The following STPG3 variants were observed in gnomAD, a reference collection of about 807,000 sequenced individuals.
STPG3 encodes protein STPG3.
STPG3 carries 39 observed loss-of-function variants against 32.5 expected under a neutral mutation model. The ratio of observed to expected loss-of-function variants is 1.20; its 90% CI spans 0.93 to 1.57. STPG3 has a LOEUF of 1.57. Among genes scored for constraint, STPG3 ranks in the 40% most tolerant of loss-of-function variants. The pLI is 0.00. For synonymous variants in STPG3, 209 were observed against 172.4 expected (o/e 1.21, Z -1.66); for missense variants, 507 against 407.6 (o/e 1.24, Z -2.10).
chr9:137,252,646 T>C lies in STPG3; in HGVS notation c.493-16T>C, dbSNP rs891539756. 6.5e-7 allele frequency: 1 copy of C among 1,535,202 alleles called. No individual in the cohort carries two copies. The highest frequency in any genetic ancestry group is 8.8e-7 in the Non-Finnish European group (1 of 1,136,386). On this transcript the variant is annotated splice_polypyrimidine_tract_variant and intron_variant, in intron 4 of 5. Coordinates refer to ENST00000412566, the MANE Select transcript of STPG3 (RefSeq NM_001004353.4). ...GGAGCACCCTGCCCTGCAGCCCGTCTCCTACCCCCTCGCAGTGGCCCTCGC... is the reference window on the plus strand; with the variant it reads ...GGAGCACCCTGCCCTGCAGCCCGTCCCCTACCCCCTCGCAGTGGCCCTCGC...
intron 2 of STPG3, 29 bp downstream of exon 2, chr9:137,251,924 C>T (rs757274084): frequency 2.5e-6 from 4 of 1,599,692 alleles, no homozygotes; most frequent in Middle Eastern, 1.7e-4. Context: ...CACCCCACCC[C>T]CAAGCTGGTC....
At position 137,251,389 on chromosome 9, in the gene STPG3, C is replaced by T; in HGVS notation, c.103C>T (p.Pro35Ser). The T allele has an allele frequency of 1.2e-6, 2 of 1,610,450 alleles. No individual in the cohort carries two copies. The highest frequency in any genetic ancestry group is 1.7e-6 in the Non-Finnish European group (2 of 1,177,422). ...TCACCTGAGGCAGACACAACCAGAG[C>T]CCACCCAGTAACTGGCGGAGAGGGG... is the stretch of plus-strand genomic sequence containing the variant. ...HGHLRQTQPE[P>S]TQPKASVLLL... The change falls in exon 1 of 6, where the codon CCC (proline) becomes TCC (serine). Residue 35 changes from proline (P) to serine (S), a missense_variant. Coordinates refer to ENST00000412566, the MANE Select transcript of STPG3 (RefSeq NM_001004353.4).
At position 137,253,386 on chromosome 9, in the gene STPG3, TG is replaced by T. The variant is rs781402037; in HGVS notation, c.*143del. ...GGGCACCCCGATGCACCCTTCTGGC[TG>T]GCCAACCCTTCTATGGGCTGTGGAC... On this transcript the variant is annotated 3_prime_UTR_variant, in exon 6 of 6. Transcript: ENST00000412566. The T allele has an allele frequency of 2.4e-5, 36 of 1,509,952 alleles. No homozygotes were observed. In the Admixed American group the frequency reaches 3.6e-4, roughly 15 times the overall value. The allele number at this position is 1,509,952 out of a possible 1,614,324, so 93.5% of individuals were successfully genotyped here. A position where few individuals can be genotyped will look rare whatever the true frequency, so the allele number is the denominator to read the frequency against.
At position 137,252,384 on chromosome 9, in the gene STPG3, C is replaced by T. The variant is rs148184666; in HGVS notation, c.404-53C>T. The T allele has an allele frequency of 1.8e-3, 2,815 of 1,556,510 alleles. 36 individuals carry two copies. The African/African-American group carries it at 0.032, about 18-fold the overall frequency. Reference sequence around the variant, plus strand: ...ACCGGGAGACAGGTTCGAGTGGGGACTGTCACCTGGGTGGGGCTCCCAGCC... The same window carrying T: ...ACCGGGAGACAGGTTCGAGTGGGGATTGTCACCTGGGTGGGGCTCCCAGCC... On this transcript the variant is annotated intron_variant, in intron 3 of 5. Coordinates refer to ENST00000412566, the MANE Select transcript of STPG3 (RefSeq NM_001004353.4).
Position 137,252,141 on chromosome 9 carries a change from T to C in STPG3, c.403+6T>C. On this transcript the variant is annotated splice_donor_region_variant and intron_variant, in intron 3 of 5. Transcript: ENST00000412566. ...CTGCAAGCACCAGGGCCGAGGTGTG[T>C]GTCCCCTCCCTGAGGCCCAACCACC... is the stretch of plus-strand genomic sequence containing the variant. 1 of 1,603,520 alleles carries C rather than the reference T, an allele frequency of 6.2e-7. No homozygotes were observed. Among genetic ancestry groups the C allele is most frequent in the South Asian group, 1.1e-5 (1 of 90,686 alleles).
rs747119528 is a variant in STPG3, at chr9:137,252,032, C to A, written c.300C>A (p.Asp100Glu). 1.2e-6 allele frequency: 2 copies of A among 1,612,730 alleles called. No individual in the cohort carries two copies. Among genetic ancestry groups the A allele is most frequent in the Admixed American group, 3.3e-5 (2 of 59,932 alleles). ...AGCAACGCCCCCTGATCACAGCTGACCTGGAAGTCCCCAGCCCCACCAGGT... is the reference window on the plus strand; with the variant it reads ...AGCAACGCCCCCTGATCACAGCTGAACTGGAAGTCCCCAGCCCCACCAGGT... ...LLEQRPLITA[D>E]LEVPSPTRYQ... Residue 100 changes from aspartate to glutamate, a missense_variant, in exon 3 of 6, where the codon GAC becomes GAA. Asp to Glu is a conservative substitution (Grantham distance 45). Transcript: ENST00000412566.
chr9:137,253,092 C>T, intron 5 of STPG3, 23 bp from the exon 6 acceptor site: 2 of 1,546,624 alleles, frequency 1.3e-6, no homozygotes, highest in East Asian at 2.3e-5. Flanking sequence ...CTGGGTGGGG[C>T]TCCCAGCCTT....
rs759760691 is a variant in STPG3, at chr9:137,253,481, C to G, written c.*236C>G. On this transcript the variant is annotated 3_prime_UTR_variant, in exon 6 of 6. Transcript: ENST00000412566. ...TACACTGAGATGCTGTTGGTTTTCC[C>G]GAGCTCTGTGGTGTGCAGTTGTCTG... is the stretch of plus-strand genomic sequence containing the variant. 1.1e-5 allele frequency: 16 copies of G among 1,432,570 alleles called. No homozygotes were observed. The highest frequency in any genetic ancestry group is 1.4e-5 in the African/African-American group (1 of 69,644). The allele number at this position is 1,432,570 out of a possible 1,614,324, so 88.7% of individuals were successfully genotyped here. A position where few individuals can be genotyped will look rare whatever the true frequency, so the allele number is the denominator to read the frequency against.
chr9:137,251,632 G>C (rs960546150), intron 1 of STPG3, 106 bp from the exon 2 acceptor site: 1 of 1,391,076 alleles, frequency 7.2e-7, no homozygotes, highest in Non-Finnish European at 9.7e-7. Flanking sequence ...TGGGGCACGT[G>C]GCTGGGAGCA....
Position 137,251,787 on chromosome 9 carries a change from G to T in STPG3, c.160G>T (p.Asp54Tyr). The T allele has an allele frequency of 6.3e-7, 1 of 1,593,626 alleles. No homozygotes were observed. The highest frequency in any genetic ancestry group is 1.1e-5 in the South Asian group (1 of 87,834). ...GGGCCCGGAGCCGGGGATGGCCTGGGATGAGACACAGCCCCCAAAGATGAA... is the reference window on the plus strand; with the variant it reads ...GGGCCCGGAGCCGGGGATGGCCTGGTATGAGACACAGCCCCCAAAGATGAA... ...LLGPEPGMAW[D>Y]ETQPPKMKEI... The change falls in exon 2 of 6, where the codon GAT (aspartate) becomes TAT (tyrosine). Residue 54 changes from aspartate to tyrosine, a missense_variant. By Grantham distance (160) the Asp-to-Tyr change is radical. Transcript: ENST00000412566.
At position 137,251,877 on chromosome 9, in the gene STPG3, C is replaced by G; in HGVS notation, c.250C>G (p.Gln84Glu). The G allele has an allele frequency of 1.2e-6, 2 of 1,608,586 alleles. No homozygotes were observed. Among genetic ancestry groups the G allele is most frequent in the South Asian group, 1.1e-5 (1 of 90,114 alleles). The change falls in exon 2 of 6, where the codon CAG (glutamine) becomes GAG (glutamate). Residue 84 changes from glutamine (Q) to glutamate (E), a missense_variant. Gln to Glu is a conservative substitution (Grantham distance 29). Transcript: ENST00000412566. Reference sequence around the variant, plus strand: ...CCAGGAGTCCCTGCCCACCTACACCCAGACCCTGAGGGAACTATGTGAGTG... The same window carrying G: ...CCAGGAGTCCCTGCCCACCTACACCGAGACCCTGAGGGAACTATGTGAGTG... ...TPQESLPTYT[Q>E]TLRELLLEQR...
chr9:137,252,944 T>A lies in STPG3; in HGVS notation c.775T>A (p.Phe259Ile), dbSNP rs547276451. 1 of 1,600,172 alleles carries A rather than the reference T, an allele frequency of 6.2e-7. No individual in the cohort carries two copies. The highest frequency in any genetic ancestry group is 2.3e-5 in the East Asian group (1 of 44,334). ...PAFSMSRSPA[F>I]TSWLSTSRTP... is the part of the protein sequence containing the mutation. The stretch of plus-strand genomic sequence containing the variant: ...CTTCTCGATGAGCCGCTCCCCTGCG[T>A]TCACCTCCTGGCTCAGCACCTGTAA... Residue 259 changes from phenylalanine to isoleucine, a missense_variant, in exon 5 of 6, where the codon TTC (phenylalanine) becomes ATC (isoleucine). Coordinates refer to ENST00000412566, the MANE Select transcript of STPG3 (RefSeq NM_001004353.4).
chr9:137,251,536 T>C, intron 1 of STPG3, 140 bp downstream of exon 1: 2 of 924,806 alleles, frequency 2.2e-6, no homozygotes, highest in Non-Finnish European at 3.2e-6. Context: ...GGCAGGCGGC[T>C]GGGAGCGGCC....
Position 137,251,311 on chromosome 9 carries a change from G to C in STPG3, c.25G>C (p.Val9Leu), listed in dbSNP as rs376853396. The change falls in exon 1 of 6, where the codon GTG becomes CTG. Residue 9 changes from valine to leucine, a missense_variant. Coordinates refer to ENST00000412566, the MANE Select transcript of STPG3 (RefSeq NM_001004353.4). MMNSDQKA[V>L]KFLANFYING... ...GATGATGAATTCTGACCAGAAGGCA[G>C]TGAAATTCCTGGCAAATTTTTACAT... 6.8e-6 allele frequency: 11 copies of C among 1,613,356 alleles called. No individual in the cohort carries two copies. The highest frequency in any genetic ancestry group is 9.3e-6 in the Non-Finnish European group (11 of 1,179,480).
rs763301378 is a variant in STPG3, at chr9:137,252,669, C to A, written c.500C>A (p.Ser167Ter). 3.2e-6 allele frequency: 5 copies of A among 1,545,240 alleles called. No homozygotes were observed. Among genetic ancestry groups the A allele is most frequent in the Non-Finnish European group, 3.5e-6 (4 of 1,143,600 alleles). Residue 167 changes from serine (S) to a stop codon, truncating the protein, a stop_gained, in exon 5 of 6, where the codon TCG (serine) becomes TAG (stop). Coordinates refer to ENST00000412566, the MANE Select transcript of STPG3 (RefSeq NM_001004353.4). LOFTEE classifies it high-confidence loss of function. ...ADFDQEQKWP[S>*]PAHYQLLSRP... The stretch of plus-strand genomic sequence containing the variant: ...TCTCCTACCCCCTCGCAGTGGCCCT[C>A]GCCAGCCCACTACCAGCTGCTCAGC...
Position 137,251,302 on chromosome 9 carries a change from C to T in STPG3, c.16C>T (p.Gln6Ter), listed in dbSNP as rs762945094. 24 of 1,612,228 alleles carry T rather than the reference C, an allele frequency of 1.5e-5. No individual in the cohort carries two copies. Among genetic ancestry groups the T allele is most frequent in the Non-Finnish European group, 2.0e-5 (23 of 1,178,498 alleles). ...GGAGACTCTGATGATGAATTCTGAC[C>T]AGAAGGCAGTGAAATTCCTGGCAAA... is the stretch of plus-strand genomic sequence containing the variant. MMNSD[Q>*]KAVKFLANFY... Residue 6 changes from glutamine to a stop codon, truncating the protein, a stop_gained, in exon 1 of 6, where the codon CAG (glutamine) becomes TAG (stop). Coordinates refer to ENST00000412566, the MANE Select transcript of STPG3 (RefSeq NM_001004353.4). LOFTEE classifies it high-confidence loss of function.
At position 137,253,359 on chromosome 9, in the gene STPG3, C is replaced by G; in HGVS notation, c.*114C>G. On this transcript the variant is annotated 3_prime_UTR_variant, in exon 6 of 6. Coordinates refer to ENST00000412566, the MANE Select transcript of STPG3 (RefSeq NM_001004353.4). The stretch of plus-strand genomic sequence containing the variant: ...GGCCCCAGCCTGGCCTTCTGACCCT[C>G]TGGGCACCCCGATGCACCCTTCTGG... 6.5e-7 allele frequency: 1 copy of G among 1,540,906 alleles called. No individual in the cohort carries two copies.
At position 137,252,448 on chromosome 9, in the gene STPG3, C is replaced by G. The variant is rs777266857; in HGVS notation, c.415C>G (p.Arg139Gly). Residue 139 changes from arginine to glycine, a missense_variant, in exon 4 of 6, where the codon CGC becomes GGC. Physicochemically the swap from Arg to Gly is moderately radical, Grantham distance 125. Transcript: ENST00000412566. ...CKHQGREGGG[R>G]RAWQTLWFQS... The stretch of plus-strand genomic sequence containing the variant: ...TCCTCCAACTACAGAGGGCGGTGGC[C>G]GCAGGGCATGGCAGACTTTGTGGTT... 2.5e-6 allele frequency: 4 copies of G among 1,610,724 alleles called. No individual in the cohort carries two copies. The highest frequency in any genetic ancestry group is 3.4e-6 in the Non-Finnish European group (4 of 1,178,684).
rs762161083 is a variant in STPG3 at position 137,251,803 on chromosome 9, C to T, written c.176C>T (p.Pro59Leu). Reference sequence around the variant, plus strand: ...ATGGCCTGGGATGAGACACAGCCCCCAAAGATGAAGGAGATCCCAGTTGGC... The same window carrying T: ...ATGGCCTGGGATGAGACACAGCCCCTAAAGATGAAGGAGATCCCAGTTGGC... ...PGMAWDETQP[P>L]KMKEIPVGLR... Residue 59 changes from proline to leucine, a missense_variant, in exon 2 of 6, where the codon CCA becomes CTA. Coordinates refer to ENST00000412566, the MANE Select transcript of STPG3 (RefSeq NM_001004353.4). 27 of 1,598,974 alleles carry T rather than the reference C, an allele frequency of 1.7e-5. No homozygotes were observed. The highest frequency in any genetic ancestry group is 2.3e-5 in the Non-Finnish European group (27 of 1,173,074).
Sources: gnomAD v4.1 joint callset for allele counts on GRCh38, gnomAD v4.1.1 for gene constraint, MANE v1.5 for transcripts, NCBI Gene and HGNC (gene_info 2026-07-23, HGNC 2026-07-21) for gene names.